The following SPNS3 variants were observed in gnomAD, a reference collection of about 807,000 sequenced individuals.
SPNS3 encodes SPNS lysolipid transporter 3, sphingosine-1-phosphate (putative).
In SPNS3, 51 loss-of-function variants were observed where a neutral mutation model predicts 54.4. The observed-to-expected ratio is 0.94, with a 90% confidence interval of 0.75 to 1.18. SPNS3 has a LOEUF of 1.18. Among genes scored for constraint, SPNS3 ranks in the 50% most tolerant of loss-of-function variants. SPNS3 has a pLI of 0.00. For missense variants in SPNS3, 669 were observed against 677.4 expected (o/e 0.99, Z 0.14); for synonymous variants, 309 against 294.7 (o/e 1.05, Z -0.50).
chr17:4,455,886 C>T (rs1015698672), intron 8 of SPNS3, among the ~76,000 whole-genome samples: 2 of 150,934 alleles, frequency 1.3e-5, no homozygotes, highest in African/African-American at 4.9e-5. Context: ...GAGAAAAGGC[C>T]AGCTTCCTTC....
chr17:4,477,782 T>A (rs112550681), intron 8 of SPNS3, among the ~76,000 whole-genome samples: 2,683 of 152,100 alleles, frequency 0.018, 16 homozygotes, highest in Middle Eastern at 0.031. Flanking sequence ...CTCCCTGTGC[T>A]GCTCCAAGGG....
rs1177363350 is a variant in SPNS3 at position 4,483,545 on chromosome 17, T to G, written c.1180-2683T>G. 3.3e-5 allele frequency: 5 copies of G among 152,138 alleles called. No individual in the cohort carries two copies. Among genetic ancestry groups the G allele is most frequent in the Admixed American group, 2.6e-4 (4 of 15,266 alleles). The allele number at this position is 152,138 out of a possible 1,614,324, so 9.4% of individuals were successfully genotyped here. A position where few individuals can be genotyped will look rare whatever the true frequency, so the allele number is the denominator to read the frequency against. On this transcript the variant is annotated intron_variant, in intron 9 of 11. Transcript: ENST00000355530. The surrounding 1 kb of genome is among the most constrained non-coding windows in gnomAD (Gnocchi z 4.2). ...GGGCCAGCCTACCTGGACCTAACTGTGGGGGTCCCAGCAGCCCCAGCCTCC... is the reference window on the plus strand; with the variant it reads ...GGGCCAGCCTACCTGGACCTAACTGGGGGGGTCCCAGCAGCCCCAGCCTCC...
chr17:4,452,822 C>T (rs1971201082), intron 7 of SPNS3, among the ~76,000 whole-genome samples, 194 bp from the exon 8 acceptor site: 1 of 152,088 alleles, frequency 6.6e-6, no homozygotes, highest in East Asian at 1.9e-4. Flanking sequence ...AGCAGTGGGA[C>T]ATTGGTCCCT....
intron 6 of SPNS3, 67 bp from the exon 7 acceptor site, chr17:4,449,168 G>A: frequency 6.5e-7 from 1 of 1,547,066 alleles, no homozygotes. Context: ...CAGGAGTGGG[G>A]AGGAGTGGAC....
At chr17:4,464,582 C>A (rs902681406) in intron 8 of SPNS3, among the ~76,000 whole-genome samples, 2 of 152,186 alleles carry the variant, frequency 1.3e-5, no homozygotes, top group Non-Finnish European at 2.9e-5. Context: ...AGATCTTGAC[C>A]TTGCTGAGCC....
intron 8 of SPNS3, among the ~76,000 whole-genome samples, chr17:4,475,568 G>A (rs772052185): frequency 1.3e-5 from 2 of 152,248 alleles, no homozygotes; most frequent in Non-Finnish European, 2.9e-5. Context: ...CTGAGCCAGA[G>A]GGGATCAGCT....
At chr17:4,438,814 T>G (rs1970777029) in intron 1 of SPNS3, among the ~76,000 whole-genome samples, 2 of 152,240 alleles carry the variant, frequency 1.3e-5, no homozygotes, top group Non-Finnish European at 2.9e-5. Context: ...CTGACTGCAG[T>G]GTGGATGGCA....
At chr17:4,472,774 C>CT (rs375118697) in intron 8 of SPNS3, among the ~76,000 whole-genome samples, 538 of 50,886 alleles carry the variant, frequency 0.011, 25 homozygotes, top group Non-Finnish European at 0.013. Context: ...GCTTGGCAGC[C>CT]TTTTTTTTTT....
At chr17:4,447,921 T>A (rs899324552) in intron 5 of SPNS3, among the ~76,000 whole-genome samples, 4 of 152,116 alleles carry the variant, frequency 2.6e-5, no homozygotes, top group Non-Finnish European at 5.9e-5. Flanking sequence ...GGGAATTACA[T>A]GAAGTCCCAA....
intron 9 of SPNS3, among the ~76,000 whole-genome samples, 184 bp downstream of exon 9, chr17:4,478,821 C>T (rs1021750807): frequency 8.5e-5 from 13 of 152,292 alleles, no homozygotes; most frequent in African/African-American, 2.9e-4. Flanking sequence ...ACCATCATCC[C>T]GATTTTGCAG....
intron 8 of SPNS3, among the ~76,000 whole-genome samples, chr17:4,453,626 A>G (rs889781937): frequency 2.6e-5 from 4 of 151,574 alleles, no homozygotes; most frequent in African/African-American, 9.7e-5. Flanking sequence ...TTGGGGGAAA[A>G]AAACAGAGAG....
intron 9 of SPNS3, among the ~76,000 whole-genome samples, chr17:4,479,396 C>A (rs1277015335): frequency 1.3e-5 from 2 of 152,244 alleles, no homozygotes; most frequent in African/African-American, 4.8e-5. Context: ...GGCTGCCATG[C>A]AAGGATCAGC....
intron 8 of SPNS3, among the ~76,000 whole-genome samples, chr17:4,460,501 G>A (rs1005417573): frequency 2.0e-5 from 3 of 146,754 alleles, no homozygotes; most frequent in East Asian, 4.0e-4. Flanking sequence ...GCGTGATCTC[G>A]GCTCACTGCA....
At chr17:4,452,955 A>G in intron 7 of SPNS3, 61 bp from the exon 8 acceptor site, 1 of 1,516,972 alleles carries the variant, frequency 6.6e-7, no homozygotes, top group African/African-American at 1.4e-5. Flanking sequence ...TGGGAGCAGG[A>G]TAAGAGTCCC....
At chr17:4,456,405 C>A (rs896709660) in intron 8 of SPNS3, among the ~76,000 whole-genome samples, 1 of 152,254 alleles carries the variant, frequency 6.6e-6, no homozygotes, top group Non-Finnish European at 1.5e-5. Flanking sequence ...TTGTTCTCAG[C>A]CTTGGGTCTC....
chr17:4,435,242 G>A (rs531137300), intron 1 of SPNS3, among the ~76,000 whole-genome samples: 12 of 152,040 alleles, frequency 7.9e-5, no homozygotes, highest in African/African-American at 2.6e-4. Flanking sequence ...GGGCAACATG[G>A]TGAAACCCCG....
chr17:4,465,109 C>T (rs1391198152), intron 8 of SPNS3, among the ~76,000 whole-genome samples: 1 of 152,180 alleles, frequency 6.6e-6, no homozygotes, highest in East Asian at 1.9e-4. Flanking sequence ...ATCTCTTTTC[C>T]ACTTGGTGTT....
At chr17:4,458,654 C>CTTCT (rs1267219322) in intron 8 of SPNS3, among the ~76,000 whole-genome samples, 17 of 78,398 alleles carry the variant, frequency 2.2e-4, no homozygotes, top group South Asian at 4.0e-4. Flanking sequence ...TCTTTCCTTC[C>CTTCT]TTCTTTCTTT....
At chr17:4,455,038 C>T (rs560044115) in intron 8 of SPNS3, among the ~76,000 whole-genome samples, 1 of 152,050 alleles carries the variant, frequency 6.6e-6, no homozygotes, top group Non-Finnish European at 1.5e-5. Flanking sequence ...CTTAGCCTCC[C>T]AAGTAGCTGG....
Sources: allele counts gnomAD v4.1 joint callset (sites outside exome capture counted in the v4.1 genomes callset), GRCh38; gene constraint gnomAD v4.1.1; non-coding constraint Gnocchi (gnomAD v3.1); transcripts MANE v1.5; gene names NCBI Gene and HGNC (gene_info 2026-07-23, HGNC 2026-07-21).